The following BCKDHB variants were observed in gnomAD, a reference collection of about 807,000 sequenced individuals.
BCKDHB encodes the protein 2-oxoisovalerate dehydrogenase subunit beta, mitochondrial.
BCKDHB carries 41 observed loss-of-function variants against 48.5 expected under a neutral mutation model. The ratio of observed to expected loss-of-function variants is 0.85; its 90% CI spans 0.66 to 1.10. The LOEUF (loss-of-function observed/expected upper bound fraction) is 1.10, where lower values mean the gene tolerates loss of function less well. Among genes scored for constraint, BCKDHB ranks in the 50% least tolerant of loss-of-function variants. BCKDHB has a pLI of 0.00. For missense variants in BCKDHB, 496 were observed against 494.2 expected (o/e 1.00, Z -0.03); for synonymous variants, 201 against 174.8 (o/e 1.15, Z -1.18).
intron 6 of BCKDHB, among the ~76,000 whole-genome samples, chr6:80,192,173 G>T (rs1157129773): frequency 6.6e-6 from 1 of 152,068 alleles, no homozygotes; most frequent in Non-Finnish European, 1.5e-5. Context: ...TCTAAAAAGT[G>T]TATCAGTTTA....
the BCKDHB span, among the ~76,000 whole-genome samples, chr6:80,379,959 C>A: frequency 6.6e-6 from 1 of 151,924 alleles, no homozygotes; most frequent in East Asian, 1.9e-4. Flanking sequence ...TAGAAAAATA[C>A]CCCATGCTCA....
At chr6:80,410,193 C>T in the BCKDHB span, among the ~76,000 whole-genome samples, 1 of 152,162 alleles carries the variant, frequency 6.6e-6, no homozygotes, top group African/African-American at 2.4e-5. Context: ...TTTTATTTCT[C>T]TTTCACTTAT....
chr6:80,194,506 T>C (rs1281067536), intron 6 of BCKDHB, among the ~76,000 whole-genome samples: 2 of 152,220 alleles, frequency 1.3e-5, no homozygotes, highest in Non-Finnish European at 2.9e-5. Context: ...TTCTCCTTAG[T>C]TTCCTTTATT....
intron 9 of BCKDHB, among the ~76,000 whole-genome samples, chr6:80,287,521 T>G (rs1012558377): frequency 2.2e-4 from 34 of 152,022 alleles, no homozygotes; most frequent in Admixed American, 2.2e-3. Context: ...TTAGCTCAGC[T>G]AGGTCCAGGT....
At chr6:80,374,366 G>A in the BCKDHB span, 1 of 827,610 alleles carries the variant, frequency 1.2e-6, no homozygotes, top group Non-Finnish European at 2.1e-6. Context: ...GGGCACACCT[G>A]CCAACTCCAC....
chr6:80,313,163 T>C (rs1225720909), intron 9 of BCKDHB, among the ~76,000 whole-genome samples: 1 of 152,180 alleles, frequency 6.6e-6, no homozygotes, highest in African/African-American at 2.4e-5. Context: ...TGGGAGGGTG[T>C]ATGTGTCCAG....
At chr6:80,156,167 T>C (rs11755382) in intron 3 of BCKDHB, among the ~76,000 whole-genome samples, 1,947 of 152,060 alleles carry the variant, frequency 0.013, 19 homozygotes, top group Non-Finnish European at 0.021. Context: ...AGATTTAAAA[T>C]TTGGGGTTTT....
At chr6:80,294,181 G>T (rs187439323) in intron 9 of BCKDHB, among the ~76,000 whole-genome samples, 376 of 152,216 alleles carry the variant, frequency 2.5e-3, no homozygotes, top group African/African-American at 8.2e-3. Flanking sequence ...CTGGAGCTGC[G>T]GCAGAGGAAC....
chr6:80,412,513 C>T, the BCKDHB span, among the ~76,000 whole-genome samples: 1 of 152,134 alleles, frequency 6.6e-6, no homozygotes, highest in Non-Finnish European at 1.5e-5. Flanking sequence ...AGTTTCAACA[C>T]TTTTGTCTTT....
the BCKDHB span, among the ~76,000 whole-genome samples, chr6:80,408,376 G>A: frequency 6.6e-6 from 1 of 152,132 alleles, no homozygotes; most frequent in South Asian, 2.1e-4. Flanking sequence ...CATAAAATGA[G>A]TAAGGGAGGA....
chr6:80,138,065 G>A (rs1770982434), intron 3 of BCKDHB, among the ~76,000 whole-genome samples: 1 of 152,030 alleles, frequency 6.6e-6, no homozygotes, highest in Admixed American at 6.6e-5. Context: ...CTGGGTGATA[G>A]AAGGAGACCC....
the BCKDHB span, among the ~76,000 whole-genome samples, chr6:80,403,477 G>C: frequency 1.3e-5 from 2 of 151,694 alleles, no homozygotes; most frequent in Non-Finnish European, 3.0e-5. Context: ...ATAGTTTTTT[G>C]GTGGATTCTT....
chr6:80,394,264 G>A, the BCKDHB span, among the ~76,000 whole-genome samples: 1 of 151,816 alleles, frequency 6.6e-6, no homozygotes, highest in Non-Finnish European at 1.5e-5. Context: ...TCTACTTTCT[G>A]GCAGATTTTC....
the BCKDHB span, among the ~76,000 whole-genome samples, chr6:80,445,511 C>T: frequency 6.6e-6 from 1 of 152,104 alleles, no homozygotes; most frequent in Admixed American, 6.6e-5. Flanking sequence ...ACTTACAAGG[C>T]AGAGGTCAGG....
At chr6:80,189,480 A>G (rs1562121237) in intron 6 of BCKDHB, among the ~76,000 whole-genome samples, 1 of 152,228 alleles carries the variant, frequency 6.6e-6, no homozygotes, top group Non-Finnish European at 1.5e-5. Flanking sequence ...AACAATGCCC[A>G]AACTGAACAC....
chr6:80,114,347 C>T (rs1285740664), intron 1 of BCKDHB, among the ~76,000 whole-genome samples: 1 of 151,660 alleles, frequency 6.6e-6, no homozygotes, highest in Non-Finnish European at 1.5e-5. Flanking sequence ...TTCCCAGGCT[C>T]AGGTGATCCT....
intron 8 of BCKDHB, among the ~76,000 whole-genome samples, chr6:80,208,779 G>A (rs971421618): frequency 6.6e-6 from 1 of 151,752 alleles, no homozygotes; most frequent in African/African-American, 2.4e-5. Flanking sequence ...TAAATTTAAT[G>A]TTATTAACTC....
the BCKDHB span, among the ~76,000 whole-genome samples, chr6:80,395,965 G>A: frequency 1.3e-5 from 2 of 152,184 alleles, no homozygotes; most frequent in African/African-American, 4.8e-5. Flanking sequence ...GTGCAAAGAA[G>A]TCAAAAACTG....
chr6:80,231,888 C>A (rs976719819), intron 8 of BCKDHB, among the ~76,000 whole-genome samples: 11 of 152,140 alleles, frequency 7.2e-5, no homozygotes, highest in Non-Finnish European at 1.5e-4. Flanking sequence ...TTGCTTGAAC[C>A]CAGCGGGCAG....
Sources: gnomAD v4.1 joint callset for allele counts (sites outside exome capture counted in the v4.1 genomes callset) on GRCh38, gnomAD v4.1.1 for gene constraint, MANE v1.5 for transcripts, NCBI Gene and HGNC (gene_info 2026-07-23, HGNC 2026-07-21) for gene names.